The following COL6A6 variants were observed in gnomAD, a reference collection of about 807,000 sequenced individuals.
COL6A6 encodes the protein collagen type VI alpha 6 chain.
In COL6A6, 183 loss-of-function variants were observed where a neutral mutation model predicts 208.6. The ratio of observed to expected loss-of-function variants is 0.88; its 90% CI spans 0.78 to 0.99. The LOEUF (loss-of-function observed/expected upper bound fraction) is 0.99. COL6A6 is among the 50% of genes least tolerant of loss of function. The probability of loss-of-function intolerance (pLI) is 0.00; values close to 1 mark genes in which losing one functional copy is unlikely to be tolerated. For missense variants in COL6A6, 2,816 were observed against 2,815.2 expected (o/e 1.00, Z -0.01); for synonymous variants, 973 against 1,011.8 (o/e 0.96, Z 0.73).
intron 10 of COL6A6, among the ~76,000 whole-genome samples, chr3:130,584,798 T>C (rs531704336): frequency 9.9e-5 from 15 of 152,000 alleles, no homozygotes; most frequent in Non-Finnish European, 1.6e-4. Context: ...GTATTTTCAG[T>C]AGAGATGGGG....
intron 33 of COL6A6, among the ~76,000 whole-genome samples, chr3:130,654,372 C>T (rs955218987): frequency 6.6e-6 from 1 of 152,140 alleles, no homozygotes; most frequent in African/African-American, 2.4e-5. Flanking sequence ...CTGAGCTATG[C>T]TGTCTGAACT....
intron 25 of COL6A6, 42 bp downstream of exon 25, chr3:130,626,589 T>G (rs541920760): frequency 1.4e-6 from 2 of 1,414,918 alleles, no homozygotes; most frequent in South Asian, 2.3e-5. Flanking sequence ...TCTTGGAATC[T>G]TTTAGTTCAG....
At position 130,519,688 on chromosome 3, in the gene COL6A6, AGT is replaced by A. The variant is rs1237406033; in HGVS notation, c.-32+2293_-32+2294del. Among the ~76,000 whole-genome samples the A allele has an allele frequency of 1.3e-4, 20 of 152,314 alleles. No individual in the cohort carries two copies. The South Asian group carries it at 4.1e-3, about 32-fold the overall frequency. On this transcript the variant is annotated intron_variant, in intron 1 of 36. Transcript: ENST00000358511. ...ATTCTTGTCACCTGTCACATAGGGC[AGT>A]GATATCTACCTACCTCACAGGGGTG...
intron 24 of COL6A6, among the ~76,000 whole-genome samples, chr3:130,626,281 C>G (rs1217115791): frequency 6.6e-6 from 1 of 152,154 alleles, no homozygotes; most frequent in Non-Finnish European, 1.5e-5. Context: ...GGCAACTTGC[C>G]CTAAACAATA....
rs1008885162 is a variant in COL6A6 at position 130,598,420 on chromosome 3, G to A, written c.4589G>A (p.Arg1530His). ...IEGPTGLKGE[R>H]GRQGRRGWPG... ...GGACCCACAGGCTTGAAAGGAGAAC[G>A]TGGAAGACAAGTAATTACGTGGGCT... Residue 1530 changes from arginine to histidine, a missense_variant, in exon 19 of 37, where the codon CGT becomes CAT. Coordinates refer to ENST00000358511, the MANE Select transcript of COL6A6 (RefSeq NM_001102608.3). 4 of 1,550,318 alleles carry A rather than the reference G, an allele frequency of 2.6e-6. No homozygotes were observed. The highest frequency in any genetic ancestry group is 2.0e-5 in the Admixed American group (1 of 51,208).
At chr3:130,598,083 T>C (rs1055212283) in intron 18 of COL6A6, among the ~76,000 whole-genome samples, 1 of 152,180 alleles carries the variant, frequency 6.6e-6, no homozygotes, top group African/African-American at 2.4e-5. Context: ...AGAGTTGCCA[T>C]GCACATAATT....
chr3:130,543,863 AAAG>A (rs369245152), intron 1 of COL6A6, among the ~76,000 whole-genome samples: 1 of 152,230 alleles, frequency 6.6e-6, no homozygotes, highest in Admixed American at 6.5e-5. Context: ...TATTTCTTGC[AAAG>A]AAGGTCTACA....
In COL6A6 at chr3:130,606,914, CTT is replaced by C. The variant is rs770994038; in HGVS notation, c.4654-14_4654-13del. The C allele has an allele frequency of 1.9e-5, 30 of 1,600,834 alleles. No individual in the cohort carries two copies. The highest frequency in any genetic ancestry group is 2.5e-5 in the Non-Finnish European group (29 of 1,174,158). ...TTTTTTCTGAATTAATGATATCCACCTTTTCTTCTATTTTAGGCAGCTCATGG... is the reference window on the plus strand; with the variant it reads ...TTTTTTCTGAATTAATGATATCCACCTTCTTCTATTTTAGGCAGCTCATGG... On this transcript the variant is annotated splice_polypyrimidine_tract_variant and intron_variant, in intron 20 of 36. Coordinates refer to ENST00000358511, the MANE Select transcript of COL6A6 (RefSeq NM_001102608.3).
chr3:130,627,253 T>C, intron 25 of COL6A6, 66 bp from the exon 26 acceptor site: 1 of 1,472,942 alleles, frequency 6.8e-7, no homozygotes, highest in Non-Finnish European at 9.5e-7. Context: ...AATGTTGTCC[T>C]CTTGAAGAAT....
Position 130,658,708 on chromosome 3 carries a change from G to T in COL6A6, c.5766G>T (p.Val1922=). 6.8e-6 allele frequency: 11 copies of T among 1,613,064 alleles called. No homozygotes were observed. Among genetic ancestry groups the T allele is most frequent in the Non-Finnish European group, 9.3e-6 (11 of 1,179,522 alleles). ...ACACTGGCACATTTCAAGTAATAGT[G>T]GTTCCCTCCGGGGCCGACTACATAC... is the stretch of plus-strand genomic sequence containing the variant. ...IDDTGTFQVI[V]VPSGADYIPA... The change falls in exon 34 of 37, where the codon GTG becomes GTT. Residue 1922 remains valine (V), a synonymous_variant. Coordinates refer to ENST00000358511, the MANE Select transcript of COL6A6 (RefSeq NM_001102608.3).
At chr3:130,673,264 G>A (rs1342657635) in intron 36 of COL6A6, among the ~76,000 whole-genome samples, 1 of 142,930 alleles carries the variant, frequency 7.0e-6, no homozygotes, top group African/African-American at 2.6e-5. Flanking sequence ...ATATAACATA[G>A]TGAAAAACGG....
chr3:130,634,674 G>C (rs1180348954), intron 27 of COL6A6, 49 bp downstream of exon 27: 2 of 1,429,520 alleles, frequency 1.4e-6, no homozygotes, highest in South Asian at 2.4e-5. Flanking sequence ...ATACTCCTGG[G>C]GTTTATGAAA....
At chr3:130,635,344 T>C (rs2065080151) in intron 27 of COL6A6, among the ~76,000 whole-genome samples, 1 of 152,258 alleles carries the variant, frequency 6.6e-6, no homozygotes, top group Non-Finnish European at 1.5e-5. Context: ...TTTAGATAAC[T>C]AGTTAGCAAT....
chr3:130,624,976 C>T (rs1240665212), intron 24 of COL6A6, among the ~76,000 whole-genome samples: 2 of 152,190 alleles, frequency 1.3e-5, no homozygotes, highest in Non-Finnish European at 2.9e-5. Context: ...CTAGAAAAGC[C>T]ATATGACTTT....
In COL6A6 at chr3:130,574,381, G is replaced by T. The variant is rs369579926; in HGVS notation, c.3403G>T (p.Val1135Leu). 1.9e-6 allele frequency: 3 copies of T among 1,614,004 alleles called. No homozygotes were observed. Among genetic ancestry groups the T allele is most frequent in the Non-Finnish European group, 2.5e-6 (3 of 1,179,902 alleles). Residue 1135 changes from valine (V) to leucine (L), a missense_variant, in exon 8 of 37, where the codon GTG (valine) becomes TTG (leucine). By Grantham distance (32) the Val-to-Leu change is conservative. Coordinates refer to ENST00000358511, the MANE Select transcript of COL6A6 (RefSeq NM_001102608.3). ...LRHRGIDIYS[V>L]GIGDVDDQQL... Reference sequence around the variant, plus strand: ...ACACAGAGGTATCGACATCTACTCCGTGGGCATTGGGGATGTGGATGACCA... The same window carrying T: ...ACACAGAGGTATCGACATCTACTCCTTGGGCATTGGGGATGTGGATGACCA...
chr3:130,604,725 G>A (rs2064132620), intron 20 of COL6A6, among the ~76,000 whole-genome samples: 1 of 152,130 alleles, frequency 6.6e-6, no homozygotes, highest in Admixed American at 6.5e-5. Context: ...TTTTCAGCAA[G>A]CCCTTTCAAA....
At chr3:130,641,183 C>T (rs1283832935) in intron 28 of COL6A6, among the ~76,000 whole-genome samples, 1 of 144,360 alleles carries the variant, frequency 6.9e-6, no homozygotes, top group African/African-American at 2.5e-5. Flanking sequence ...CCTATTGCAG[C>T]AACAAACAGT....
Position 130,560,432 on chromosome 3 carries a change from AG to A in COL6A6, c.64+6del. ...ATTTCTGTGAACCAAGATTCCGGTAAGGAAAAACTGGAAAGAATTCTTAATT... is the reference window on the plus strand; with the variant it reads ...ATTTCTGTGAACCAAGATTCCGGTAAGAAAAACTGGAAAGAATTCTTAATT... On this transcript the variant is annotated splice_donor_5th_base_variant and intron_variant, in intron 2 of 36. Transcript: ENST00000358511. 6.2e-7 allele frequency: 1 copy of A among 1,607,908 alleles called. No individual in the cohort carries two copies. The highest frequency in any genetic ancestry group is 8.5e-7 in the Non-Finnish European group (1 of 1,176,444).
In COL6A6 at chr3:130,675,558, A is replaced by G. The variant is rs896173497; in HGVS notation, c.*161A>G. 4 of 527,726 alleles carry G rather than the reference A, an allele frequency of 7.6e-6. No individual in the cohort carries two copies. Among genetic ancestry groups the G allele is most frequent in the South Asian group, 3.7e-5 (1 of 26,700 alleles). The allele number at this position is 527,726 out of a possible 1,614,324, so 32.7% of individuals were successfully genotyped here. A position where few individuals can be genotyped will look rare whatever the true frequency, so the allele number is the denominator to read the frequency against. ...AAGATATATCTTGTTCATTTATTTG[A>G]CCACTCCTGACAATTCCAGCACTCT... On this transcript the variant is annotated 3_prime_UTR_variant, in exon 37 of 37. Coordinates refer to ENST00000358511, the MANE Select transcript of COL6A6 (RefSeq NM_001102608.3).
Sources: gnomAD v4.1 joint callset for allele counts (sites outside exome capture counted in the v4.1 genomes callset) on GRCh38, gnomAD v4.1.1 for gene constraint, MANE v1.5 for transcripts, NCBI Gene and HGNC (gene_info 2026-07-23, HGNC 2026-07-21) for gene names.